The following PGBD1 variants were observed in gnomAD, a reference collection of about 807,000 sequenced individuals.
PGBD1 encodes the protein piggyBac transposable element-derived protein 1.
Under a neutral mutation model 34.7 loss-of-function variants are expected in PGBD1, and 25 were observed. The ratio of observed to expected loss-of-function variants is 0.72; its 90% CI spans 0.52 to 1.00. PGBD1 has a LOEUF of 1.00. Among genes scored for constraint, PGBD1 ranks in the 50% least tolerant of loss-of-function variants. The pLI is 0.00. For missense variants in PGBD1, 830 were observed against 959.4 expected (o/e 0.87, Z 1.78); for synonymous variants, 292 against 335.7 (o/e 0.87, Z 1.42).
intron 3 of PGBD1, 138 bp downstream of exon 3, chr6:28,285,845 G>A (rs767084491): frequency 1.2e-6 from 1 of 859,340 alleles, no homozygotes; most frequent in Non-Finnish European, 1.7e-6. Context: ...TACCTTTTAT[G>A]TGTCTGTGGT....
Position 28,283,949 on chromosome 6 carries a change from C to T in PGBD1, c.136C>T (p.Arg46Cys), listed in dbSNP as rs1188984834. ...CCACACTCAGGAGATTTGCCGCCTG[C>T]GCTTTCGGCACTTCTGCTACCAGGA... Reference protein sequence around the residue: ...SSHTQEICRLRFRHFCYQEAH... With the variant: ...SSHTQEICRLCFRHFCYQEAH... Residue 46 changes from arginine (R) to cysteine (C), a missense_variant, in exon 2 of 7, where the codon CGC becomes TGC. Arg to Cys is a radical substitution (Grantham distance 180, BLOSUM62 -3). Around this residue, in one of 3 missense-constraint regions of PGBD1, gnomAD observed 457 missense variants for 515.4 expected, o/e 0.89. Transcript: ENST00000682144. The T allele has an allele frequency of 7.4e-6, 12 of 1,614,070 alleles. No homozygotes were observed. The highest frequency in any genetic ancestry group is 4.5e-5 in the East Asian group (2 of 44,898).
At chr6:28,289,962 A>G (rs1762396177) in intron 4 of PGBD1, among the ~76,000 whole-genome samples, 1 of 152,186 alleles carries the variant, frequency 6.6e-6, no homozygotes, top group Admixed American at 6.5e-5. Context: ...TATCTCTTTA[A>G]AATAACTTAT....
rs571390880 is a variant in PGBD1, at chr6:28,295,776, T to C, written c.643-1040T>C. 2.0e-5 allele frequency among the ~76,000 whole-genome samples: 3 copies of C among 152,354 alleles called. No homozygotes were observed. In the South Asian group the frequency reaches 6.2e-4, roughly 32 times the overall value. On this transcript the variant is annotated intron_variant, in intron 4 of 6. Transcript: ENST00000682144. Reference sequence around the variant, plus strand: ...GAAATTTCTGTGACTTGCTTTATTGTGATATTTGCCTTATTGTGGTGGTCT... The same window carrying C: ...GAAATTTCTGTGACTTGCTTTATTGCGATATTTGCCTTATTGTGGTGGTCT...
chr6:28,289,818 A>G (rs1011044348), intron 4 of PGBD1, among the ~76,000 whole-genome samples: 5 of 152,226 alleles, frequency 3.3e-5, no homozygotes, highest in African/African-American at 1.2e-4. Flanking sequence ...CTGTTAAGAG[A>G]TAGGTAATAT....
At position 28,301,554 on chromosome 6, in the gene PGBD1, G is replaced by T. The variant is rs764067556; in HGVS notation, c.1700G>T (p.Gly567Val). ...QFLNGKPIRI[G>V]YKIWCGTTTQ... ...CTGAATGGAAAGCCTATTAGAATTG[G>T]CTATAAAATTTGGTGTGGTACAACC... The change falls in exon 7 of 7, where the codon GGC becomes GTC. Residue 567 changes from glycine to valine, a missense_variant. Transcript: ENST00000682144. 3.2e-5 allele frequency: 52 copies of T among 1,614,002 alleles called. No homozygotes were observed. Among genetic ancestry groups the T allele is most frequent in the Non-Finnish European group, 4.2e-5 (49 of 1,180,040 alleles).
rs1010831541 is a variant in PGBD1, at chr6:28,302,037, T to C, written c.2183T>C (p.Ile728Thr). 6 of 1,613,988 alleles carry C rather than the reference T, an allele frequency of 3.7e-6. No individual in the cohort carries two copies. Among genetic ancestry groups the C allele is most frequent in the Non-Finnish European group, 5.1e-6 (6 of 1,180,026 alleles). Reference protein sequence around the residue: ...EEIPQISQPSIVKVYDECKEG... With the variant: ...EEIPQISQPSTVKVYDECKEG... The stretch of plus-strand genomic sequence containing the variant: ...ATCCCTCAGATAAGTCAACCATCCA[T>C]AGTAAAAGTGTATGATGAATGCAAG... The change falls in exon 7 of 7, where the codon ATA (isoleucine) becomes ACA (threonine). Residue 728 changes from isoleucine (I) to threonine (T), a missense_variant. Coordinates refer to ENST00000682144, the MANE Select transcript of PGBD1 (RefSeq NM_032507.4).
Position 28,294,156 on chromosome 6 carries a change from A to G in PGBD1, c.643-2660A>G, listed in dbSNP as rs183836968. ...AAAGTTTGAGTGGTTTGGATAGAAG[A>G]TCACACCAGCCACAGCATTGCCTTG... On this transcript the variant is annotated intron_variant, in intron 4 of 6. Coordinates refer to ENST00000682144, the MANE Select transcript of PGBD1 (RefSeq NM_032507.4). Among the ~76,000 whole-genome samples the G allele has an allele frequency of 6.1e-3, 934 of 152,336 alleles. 4 individuals are homozygous for G. Among genetic ancestry groups the G allele is most frequent in the Non-Finnish European group, 1.0e-2 (679 of 68,020 alleles).
rs115944880 is a variant in PGBD1 at position 28,300,011 on chromosome 6, A to C, written c.870-713A>C. 0.023 allele frequency among the ~76,000 whole-genome samples: 3,423 copies of C among 152,004 alleles called. 66 individuals carry two copies. The highest frequency in any genetic ancestry group is 0.059 in the African/African-American group (2,430 of 41,460). On this transcript the variant is annotated intron_variant, in intron 6 of 6. Coordinates refer to ENST00000682144, the MANE Select transcript of PGBD1 (RefSeq NM_032507.4). This position sits in a 1 kb window ranked among gnomAD's most constrained non-coding sequence, Gnocchi z 4.0. ...GCTAGACTCTGTCTCAAAAAAAAAA[A>C]AAAACAAAACAAAACTTTTCATCTT...
Position 28,284,113 on chromosome 6 carries a change from C to T in PGBD1, c.300C>T (p.Leu100=), listed in dbSNP as rs527450661. ...EQFLTILPKE[L]QPCVKTYPLE... is the part of the protein sequence containing the mutation. Reference sequence around the variant, plus strand: ...TCCTGACCATCCTGCCCAAGGAGCTCCAGCCCTGTGTGAAGACATATCCTC... The same window carrying T: ...TCCTGACCATCCTGCCCAAGGAGCTTCAGCCCTGTGTGAAGACATATCCTC... The change falls in exon 2 of 7, where the codon CTC becomes CTT. Residue 100 remains leucine, a synonymous_variant. Transcript: ENST00000682144. 1.2e-6 allele frequency: 2 copies of T among 1,613,990 alleles called. No individual in the cohort carries two copies. Among genetic ancestry groups the T allele is most frequent in the East Asian group, 2.2e-5 (1 of 44,884 alleles).
intron 4 of PGBD1, among the ~76,000 whole-genome samples, chr6:28,290,013 A>G (rs1366230415): frequency 6.6e-6 from 1 of 152,200 alleles, no homozygotes; most frequent in African/African-American, 2.4e-5. Context: ...TGATAACTAC[A>G]ATGCAAAAAC....
rs1406516665 is a variant in PGBD1, at chr6:28,283,811, A to G, written c.-3A>G. The G allele has an allele frequency of 1.3e-6, 2 of 1,581,712 alleles. No homozygotes were observed. The highest frequency in any genetic ancestry group is 3.5e-5 in the Admixed American group (2 of 57,268). ...AAGTGAAGCTTTAGCCTCTAAGCTC[A>G]ACATGTATGAAGCTTTGCCAGGCCC... On this transcript the variant is annotated 5_prime_UTR_variant, in exon 2 of 7. Transcript: ENST00000682144.
Position 28,301,716 on chromosome 6 carries a change from C to G in PGBD1, c.1862C>G (p.Pro621Arg). 1 of 1,613,898 alleles carries G rather than the reference C, an allele frequency of 6.2e-7. No individual in the cohort carries two copies. Among genetic ancestry groups the G allele is most frequent in the Non-Finnish European group, 8.5e-7 (1 of 1,179,976 alleles). ...ADVLLERGQY[P>R]YHLCFDSFFT... The stretch of plus-strand genomic sequence containing the variant: ...GTTCTTTTAGAGAGAGGTCAGTATC[C>G]CTATCACCTGTGTTTTGATAGCTTC... Residue 621 changes from proline (P) to arginine (R), a missense_variant, in exon 7 of 7, where the codon CCC becomes CGC. Pro to Arg is a moderately radical substitution (Grantham distance 103). Transcript: ENST00000682144.
rs766136108 is a variant in PGBD1 at position 28,301,954 on chromosome 6, T to A, written c.2100T>A (p.Asn700Lys). The A allele has an allele frequency of 1.9e-6, 3 of 1,614,208 alleles. No homozygotes were observed. Among genetic ancestry groups the A allele is most frequent in the South Asian group, 2.2e-5 (2 of 91,084 alleles). The part of the protein sequence containing the change: ...YGDGIISLCS[N>K]AVGIEPVNEV... ...ATGGCATTATCAGTCTGTGCTCCAA[T>A]GCTGTGGGCATAGAACCAGTCAATG... Residue 700 changes from asparagine to lysine, a missense_variant, in exon 7 of 7, where the codon AAT becomes AAA. Physicochemically the swap from Asn to Lys is moderately conservative, Grantham distance 94. Around this residue, in one of 3 missense-constraint regions of PGBD1, gnomAD observed 372 missense variants for 427.9 expected, o/e 0.87. Coordinates refer to ENST00000682144, the MANE Select transcript of PGBD1 (RefSeq NM_032507.4).
chr6:28,282,423 TTATG>T (rs1450979763), intron 1 of PGBD1, among the ~76,000 whole-genome samples: 1 of 152,176 alleles, frequency 6.6e-6, no homozygotes, highest in Non-Finnish European at 1.5e-5. Context: ...TTGTGTGTGT[TTATG>T]TGTGTGTGAG....
At chr6:28,292,928 T>TTTTTC (rs763349499) in intron 4 of PGBD1, among the ~76,000 whole-genome samples, 47 of 152,078 alleles carry the variant, frequency 3.1e-4, no homozygotes, top group East Asian at 1.7e-3. Context: ...CATGGAGCTT[T>TTTTTC]TTTTCTTTTC....
intron 6 of PGBD1, among the ~76,000 whole-genome samples, 190 bp downstream of exon 6, chr6:28,298,181 T>C (rs1023731834): frequency 6.6e-6 from 1 of 152,124 alleles, no homozygotes; most frequent in African/African-American, 2.4e-5. Context: ...GCAATAAATA[T>C]ACAAAACCTT....
chr6:28,295,411 C>G (rs1762596789), intron 4 of PGBD1, among the ~76,000 whole-genome samples: 1 of 152,134 alleles, frequency 6.6e-6, no homozygotes. Context: ...GGGTAAAATG[C>G]TATCAAACAA....
At position 28,300,573 on chromosome 6, in the gene PGBD1, C is replaced by G. The variant is rs1762794734; in HGVS notation, c.870-151C>G. On this transcript the variant is annotated intron_variant, in intron 6 of 6. Coordinates refer to ENST00000682144, the MANE Select transcript of PGBD1 (RefSeq NM_032507.4). This position sits in a 1 kb window ranked among gnomAD's most constrained non-coding sequence, Gnocchi z 4.0. ...AGTGGCTAGAAATGTTTAATCTAGC[C>G]AAAGTCCTCCCCATGGAAACTTAAG... The G allele has an allele frequency of 1.1e-6, 1 of 883,514 alleles. No homozygotes were observed. The highest frequency in any genetic ancestry group is 3.6e-4 in the Middle Eastern group (1 of 2,814). The allele number at this position is 883,514 out of a possible 1,614,324, so 54.7% of individuals were successfully genotyped here.
Position 28,300,947 on chromosome 6 carries a change from G to T in PGBD1, c.1093G>T (p.Val365Leu), listed in dbSNP as rs755984624. ...QGLSFSGDSD[V>L]EKDNEPEIQP... ...CCTCTCATTCTCTGGTGACTCAGAT[G>T]TGGAAAAAGATAATGAGCCTGAGAT... The change falls in exon 7 of 7, where the codon GTG becomes TTG. Residue 365 changes from valine to leucine, a missense_variant. Coordinates refer to ENST00000682144, the MANE Select transcript of PGBD1 (RefSeq NM_032507.4). The surrounding 1 kb of genome is among the most constrained non-coding windows in gnomAD (Gnocchi z 4.0). 1.3e-5 allele frequency: 21 copies of T among 1,613,988 alleles called. No homozygotes were observed. The highest frequency in any genetic ancestry group is 1.4e-5 in the Non-Finnish European group (17 of 1,180,030).
Sources: allele counts gnomAD v4.1 joint callset (sites outside exome capture counted in the v4.1 genomes callset), GRCh38; gene constraint gnomAD v4.1.1; regional missense constraint gnomAD v4.1.1; non-coding constraint Gnocchi (gnomAD v3.1); transcripts MANE v1.5; gene names NCBI Gene and HGNC (gene_info 2026-07-23, HGNC 2026-07-21).